Variants in ACOX2 observed in about 807,000 individuals in gnomAD.
The protein encoded by ACOX2 is peroxisomal acyl-coenzyme A oxidase 2.
In ACOX2, 59 loss-of-function variants were observed where a neutral mutation model predicts 77.5. The observed-to-expected ratio is 0.76, with a 90% CI of 0.62 to 0.95. The LOEUF is 0.95. ACOX2 is among the 40% of genes least tolerant of loss of function. The probability of loss-of-function intolerance (pLI) is 0.00; values close to 1 mark genes in which losing one functional copy is unlikely to be tolerated. For missense variants in ACOX2, 837 were observed against 880.4 expected (o/e 0.95, Z 0.62); for synonymous variants, 317 against 340.1 (o/e 0.93, Z 0.75).
In ACOX2 at chr3:58,522,400, G is replaced by T; in HGVS notation, c.1632+96C>A. On this transcript the variant is annotated intron_variant, in intron 12 of 14. Transcript: ENST00000302819. This position sits in a 1 kb window ranked among gnomAD's most constrained non-coding sequence, Gnocchi z 4.3. ...TGAGGGCAGCCGCCACTGAAGCAGA[G>T]TTGGGGAATAATGGCAGAGCCCGGA... The T allele has an allele frequency of 8.3e-7, 1 of 1,206,272 alleles. No homozygotes were observed. Among genetic ancestry groups the T allele is most frequent in the Non-Finnish European group, 1.2e-6 (1 of 826,494 alleles). The allele number at this position is 1,206,272 out of a possible 1,614,324, so 74.7% of individuals were successfully genotyped here.
At chr3:58,530,996 G>A (rs901080026) in intron 7 of ACOX2, among the ~76,000 whole-genome samples, 6 of 152,198 alleles carry the variant, frequency 3.9e-5, no homozygotes, top group African/African-American at 1.4e-4. Flanking sequence ...TCCTGGGGCT[G>A]CCACCCCACC....
At position 58,526,580 on chromosome 3, in the gene ACOX2, G is replaced by T; in HGVS notation, c.1232C>A (p.Ala411Asp). ...CTQGAEMCRR[A>D]CGGHGYSKLS... is the part of the protein sequence containing the mutation. Reference sequence around the variant, plus strand: ...CTTTGAGTAGCCATGTCCGCCACAGGCCCTGCGGCACATCTCAGCTCCCTG... The same window carrying T: ...CTTTGAGTAGCCATGTCCGCCACAGTCCCTGCGGCACATCTCAGCTCCCTG... The change falls in exon 10 of 15, where the codon GCC (alanine) becomes GAC (aspartate). Residue 411 changes from alanine to aspartate, a missense_variant. Ala to Asp is a moderately radical substitution (Grantham distance 126). Coordinates refer to ENST00000302819, the MANE Select transcript of ACOX2 (RefSeq NM_003500.4). This position sits in a 1 kb window ranked among gnomAD's most constrained non-coding sequence, Gnocchi z 4.3. 6.2e-7 allele frequency: 1 copy of T among 1,614,214 alleles called. No individual in the cohort carries two copies. The highest frequency in any genetic ancestry group is 1.1e-5 in the South Asian group (1 of 91,084).
chr3:58,519,103 G>A lies in ACOX2; in HGVS notation c.1633-1680C>T, dbSNP rs1263569267. On this transcript the variant is annotated intron_variant, in intron 12 of 14. Coordinates refer to ENST00000302819, the MANE Select transcript of ACOX2 (RefSeq NM_003500.4). This position sits in a 1 kb window ranked among gnomAD's most constrained non-coding sequence, Gnocchi z 5.0. ...AAGACTTAGAGTGTCTTGGGGGTTC[G>A]GCTGGGCGCGGTGGCTCACACCTAT... Among the ~76,000 whole-genome samples the A allele has an allele frequency of 2.0e-5, 3 of 151,674 alleles. No homozygotes were observed.
rs1308421141 is a variant in ACOX2 at position 58,535,752 on chromosome 3, G to A, written c.-91-555C>T. Among the ~76,000 whole-genome samples the A allele has an allele frequency of 2.6e-5, 4 of 152,170 alleles. No homozygotes were observed. The highest frequency in any genetic ancestry group is 9.7e-5 in the African/African-American group (4 of 41,446). On this transcript the variant is annotated intron_variant, in intron 1 of 14. Coordinates refer to ENST00000302819, the MANE Select transcript of ACOX2 (RefSeq NM_003500.4). This position sits in a 1 kb window ranked among gnomAD's most constrained non-coding sequence, Gnocchi z 4.8. ...GAAGCCTTCTTCCTGCCTGTGAAGT[G>A]TTCCCCTGGAGCCCCTGAGTGTCTT...
intron 12 of ACOX2, among the ~76,000 whole-genome samples, chr3:58,518,075 CAAAAAAAAAAAA>C (rs763535906): frequency 4.2e-5 from 2 of 47,678 alleles, no homozygotes; most frequent in African/African-American, 2.1e-4. Context: ...AACTCCATCT[CAAAAAAAAAAAA>C]AAAAAAAAAA....
At position 58,531,604 on chromosome 3, in the gene ACOX2, A is replaced by T; in HGVS notation, c.703+89T>A. On this transcript the variant is annotated intron_variant, in intron 6 of 14. Coordinates refer to ENST00000302819, the MANE Select transcript of ACOX2 (RefSeq NM_003500.4). The surrounding 1 kb of genome is among the most constrained non-coding windows in gnomAD (Gnocchi z 5.8). Reference sequence around the variant, plus strand: ...TGCCCAAGGGAGACATGTCTTAGCTACTCCTGTGGCCCTCTGGGGCCCCAG... The same window carrying T: ...TGCCCAAGGGAGACATGTCTTAGCTTCTCCTGTGGCCCTCTGGGGCCCCAG... The T allele has an allele frequency of 6.5e-7, 1 of 1,540,362 alleles. No homozygotes were observed. The highest frequency in any genetic ancestry group is 2.3e-5 in the East Asian group (1 of 44,322).
chr3:58,506,038 G>T (rs1302214334), intron 14 of ACOX2, among the ~76,000 whole-genome samples: 1 of 152,090 alleles, frequency 6.6e-6, no homozygotes, highest in Non-Finnish European at 1.5e-5. Context: ...TGATCCACCC[G>T]CCTCAGCCTC....
intron 13 of ACOX2, among the ~76,000 whole-genome samples, 194 bp downstream of exon 13, chr3:58,517,012 T>C (rs184160101): frequency 7.7e-4 from 117 of 152,298 alleles, no homozygotes; most frequent in African/African-American, 2.7e-3. Context: ...TCAGTATTTT[T>C]CCCATTTTTT....
chr3:58,519,879 T>C lies in ACOX2; in HGVS notation c.1633-2456A>G, dbSNP rs1293921202. On this transcript the variant is annotated intron_variant, in intron 12 of 14. Transcript: ENST00000302819. This position sits in a 1 kb window ranked among gnomAD's most constrained non-coding sequence, Gnocchi z 5.0. ...CAGACTGGGTCCAGCTTGGCAGAACTGCGGACCCGCACTCCTTTTCCTGTC... is the reference window on the plus strand; with the variant it reads ...CAGACTGGGTCCAGCTTGGCAGAACCGCGGACCCGCACTCCTTTTCCTGTC... Among the ~76,000 whole-genome samples the C allele has an allele frequency of 6.6e-6, 1 of 152,240 alleles. No homozygotes were observed. Among genetic ancestry groups the C allele is most frequent in the Non-Finnish European group, 1.5e-5 (1 of 68,050 alleles).
At position 58,533,449 on chromosome 3, in the gene ACOX2, T is replaced by A; in HGVS notation, c.579A>T (p.Gly193=). ...PTLTATKWWP[G]DLGRSATHAL... is the part of the protein sequence containing the mutation. ...GGGGGGTGGATGTATACTCACAGTC[T>A]CCAGGCCACCATTTGGTGGCAGTCA... Residue 193 remains glycine (G), a synonymous_variant, in exon 5 of 15, where the codon GGA becomes GGT. Coordinates refer to ENST00000302819, the MANE Select transcript of ACOX2 (RefSeq NM_003500.4). This position sits in a 1 kb window ranked among gnomAD's most constrained non-coding sequence, Gnocchi z 5.6. 3 of 1,613,632 alleles carry A rather than the reference T, an allele frequency of 1.9e-6. No homozygotes were observed. Among genetic ancestry groups the A allele is most frequent in the Non-Finnish European group, 2.5e-6 (3 of 1,179,794 alleles).
In ACOX2 at chr3:58,531,392, C is replaced by A. The variant is rs771963149; in HGVS notation, c.704-26G>T. 6.3e-7 allele frequency: 1 copy of A among 1,595,180 alleles called. No homozygotes were observed. The highest frequency in any genetic ancestry group is 8.6e-7 in the Non-Finnish European group (1 of 1,163,464). On this transcript the variant is annotated intron_variant, in intron 6 of 14. Transcript: ENST00000302819. This position sits in a 1 kb window ranked among gnomAD's most constrained non-coding sequence, Gnocchi z 5.8. ...CTTGAAGGAGATGGAGATGAGGACACCTATCAGTTGAGAGAGTGCTTGCTA... is the reference window on the plus strand; with the variant it reads ...CTTGAAGGAGATGGAGATGAGGACAACTATCAGTTGAGAGAGTGCTTGCTA...
Position 58,505,274 on chromosome 3 carries a change from A to G in ACOX2, c.1996T>C (p.Tyr666His). 6.2e-7 allele frequency: 1 copy of G among 1,612,796 alleles called. No homozygotes were observed. The highest frequency in any genetic ancestry group is 1.1e-5 in the South Asian group (1 of 90,650). The change falls in exon 15 of 15, where the codon TAT (tyrosine) becomes CAT (histidine). Residue 666 changes from tyrosine to histidine, a missense_variant. Transcript: ENST00000302819. This position sits in a 1 kb window ranked among gnomAD's most constrained non-coding sequence, Gnocchi z 4.4. ...AAAAGTGGTCTTATATATTCCTCAT[A>G]GGCAGGGTTCTCCTGTTTGTAGAAA... ...SPTNTQENPA[Y>H]EEYIRPLLQS...
Position 58,533,516 on chromosome 3 carries a change from T to C in ACOX2, c.512A>G (p.Tyr171Cys). The change falls in exon 5 of 15, where the codon TAT becomes TGT. Residue 171 changes from tyrosine (Y) to cysteine (C), a missense_variant. Physicochemically the swap from Tyr to Cys is radical, Grantham distance 194. Transcript: ENST00000302819. The surrounding 1 kb of genome is among the most constrained non-coding windows in gnomAD (Gnocchi z 5.6). Reference sequence around the variant, plus strand: ...CACAAACTCCTGGGTGGCTGCGTCATAGGTGGCTTCAGTCTCCAGGCCCTG... The same window carrying C: ...CACAAACTCCTGGGTGGCTGCGTCACAGGTGGCTTCAGTCTCCAGGCCCTG... The part of the protein sequence containing the change: ...YLQGLETEAT[Y>C]DAATQEFVIH... 6.2e-7 allele frequency: 1 copy of C among 1,613,932 alleles called. No homozygotes were observed. Among genetic ancestry groups the C allele is most frequent in the African/African-American group, 1.3e-5 (1 of 74,954 alleles).
Position 58,533,829 on chromosome 3 carries a change from G to A in ACOX2, c.475+165C>T. On this transcript the variant is annotated intron_variant, in intron 4 of 14. Transcript: ENST00000302819. The surrounding 1 kb of genome is among the most constrained non-coding windows in gnomAD (Gnocchi z 5.6). ...TCATACAATACGTGCAAATTAGAAG[G>A]TGGCACCCCTTCCTCAGGACCCTTG... The A allele has an allele frequency of 1.1e-6, 1 of 902,468 alleles. No homozygotes were observed. Among genetic ancestry groups the A allele is most frequent in the Non-Finnish European group, 1.6e-6 (1 of 606,860 alleles). 55.9% of individuals were successfully genotyped at this position (902,468 alleles called of 1,614,324 possible). A position where few individuals can be genotyped will look rare whatever the true frequency, so the allele number is the denominator to read the frequency against.
chr3:58,530,422 A>G, intron 8 of ACOX2, 44 bp downstream of exon 8: 5 of 1,594,928 alleles, frequency 3.1e-6, no homozygotes, highest in Non-Finnish European at 4.3e-6. Context: ...TGTGGGACCA[A>G]GAGGCAGCAT....
In ACOX2 at chr3:58,528,844, G is replaced by A; in HGVS notation, c.1105C>T (p.Gln369Ter). ...TTCAGAATGGCAGTGTAGGAGTGCTGGAAGAACTCCAAGAGGCTGACTGCC... is the reference window on the plus strand; with the variant it reads ...TTCAGAATGGCAGTGTAGGAGTGCTAGAAGAACTCCAAGAGGCTGACTGCC... Reference protein sequence around the residue: ...FLAVSLLEFFQHSYTAILNQD... With the variant: ...FLAVSLLEFF Residue 369 changes from glutamine (Q) to a stop codon, truncating the protein, a stop_gained, in exon 9 of 15, where the codon CAG (glutamine) becomes TAG (stop). Transcript: ENST00000302819. LOFTEE classifies it high-confidence loss of function. This position sits in a 1 kb window ranked among gnomAD's most constrained non-coding sequence, Gnocchi z 5.6. 2 of 1,613,690 alleles carry A rather than the reference G, an allele frequency of 1.2e-6. No individual in the cohort carries two copies. The highest frequency in any genetic ancestry group is 1.1e-5 in the South Asian group (1 of 90,922).
chr3:58,530,341 T>C, intron 8 of ACOX2, 125 bp downstream of exon 8: 1 of 1,338,652 alleles, frequency 7.5e-7, no homozygotes, highest in Non-Finnish European at 1.0e-6. Flanking sequence ...TGTGTGTGTG[T>C]ATGTGGTGGG....
chr3:58,515,097 C>T lies in ACOX2; in HGVS notation c.1850+2109G>A, dbSNP rs762022380. ...GGAGTGCAGTGGTACGATCTTGGCTCACGGCAGCCTCTGCCTCCCGGGTTC... is the reference window on the plus strand; with the variant it reads ...GGAGTGCAGTGGTACGATCTTGGCTTACGGCAGCCTCTGCCTCCCGGGTTC... On this transcript the variant is annotated intron_variant, in intron 13 of 14. Transcript: ENST00000302819. The surrounding 1 kb of genome is among the most constrained non-coding windows in gnomAD (Gnocchi z 4.0). 5.3e-5 allele frequency among the ~76,000 whole-genome samples: 8 copies of T among 151,984 alleles called. No homozygotes were observed. Among genetic ancestry groups the T allele is most frequent in the Non-Finnish European group, 1.2e-4 (8 of 68,000 alleles).
At chr3:58,510,660 AAAAATATATAT>A (rs2063274674) in intron 13 of ACOX2, among the ~76,000 whole-genome samples, 1 of 17,192 alleles carries the variant, frequency 5.8e-5, no homozygotes, top group Admixed American at 1.0e-3. Flanking sequence ...AAAAAAAAAA[AAAAATATATAT>A]ATATATATAT....
Sources: gnomAD v4.1 joint callset for allele counts (sites outside exome capture counted in the v4.1 genomes callset) on GRCh38, gnomAD v4.1.1 for gene constraint, Gnocchi (gnomAD v3.1) non-coding constraint, MANE v1.5 for transcripts, NCBI Gene and HGNC (gene_info 2026-07-23, HGNC 2026-07-21) for gene names.